The following MACROD2 variants were observed in gnomAD, a reference collection of about 807,000 sequenced individuals.
MACROD2 encodes ADP-ribose glycohydrolase MACROD2.
In MACROD2, 36 loss-of-function variants were observed where a neutral mutation model predicts 70.4. That is an observed-to-expected ratio of 0.51 (90% CI 0.39 to 0.68). MACROD2 has a LOEUF of 0.68. Among genes scored for constraint, MACROD2 ranks in the 30% least tolerant of loss-of-function variants. MACROD2 has a pLI of 0.00. For synonymous variants in MACROD2, 172 were observed against 178.8 expected (o/e 0.96, Z 0.30); for missense variants, 496 against 538.4 (o/e 0.92, Z 0.78).
chr20:15,980,236 G>A lies in MACROD2; in HGVS notation c.986-6491G>A, dbSNP rs564426964. ...GCCAGGCAGGCCCAGGCCTGGTTTC[G>A]GGCCTGGTGCAGGGCTGCCTGTCTT... On this transcript the variant is annotated intron_variant, in intron 13 of 17. Transcript: ENST00000684519. Among the ~76,000 whole-genome samples, 263 of 152,272 alleles carry A rather than the reference G, an allele frequency of 1.7e-3. 1 individual carries two copies. The highest frequency in any genetic ancestry group is 3.0e-3 in the Non-Finnish European group (201 of 68,020).
intron 6 of MACROD2, among the ~76,000 whole-genome samples, chr20:15,362,438 G>A (rs563812673): frequency 5.0e-4 from 44 of 87,280 alleles, no homozygotes; most frequent in African/African-American, 2.1e-3. Context: ...TTTTTTTATA[G>A]GTATACTGTA....
chr20:15,238,648 G>A (rs1015013953), intron 6 of MACROD2, among the ~76,000 whole-genome samples: 26 of 152,092 alleles, frequency 1.7e-4, no homozygotes, highest in Non-Finnish European at 3.7e-4. Flanking sequence ...TTTTGTAAGA[G>A]TGTCTGAAAC....
rs1353727037 is a variant in MACROD2 at position 15,535,224 on chromosome 20, C to A, written c.645+35377C>A. ...ACTTGCTTTTTAAGCAGTCCTCCCACCTCTGTCTCCCAAATTGCTGGGATT... is the reference window on the plus strand; with the variant it reads ...ACTTGCTTTTTAAGCAGTCCTCCCAACTCTGTCTCCCAAATTGCTGGGATT... On this transcript the variant is annotated intron_variant, in intron 8 of 17. Coordinates refer to ENST00000684519, the MANE Select transcript of MACROD2 (RefSeq NM_001351661.2). 2.6e-5 allele frequency among the ~76,000 whole-genome samples: 4 copies of A among 152,176 alleles called. No homozygotes were observed. The East Asian group carries it at 7.7e-4, about 29-fold the overall frequency.
intron 6 of MACROD2, among the ~76,000 whole-genome samples, chr20:15,274,824 C>T (rs1362689924): frequency 6.6e-6 from 1 of 152,146 alleles, no homozygotes; most frequent in Admixed American, 6.5e-5. Flanking sequence ...AAACAGAGGA[C>T]AAATTGAGAA....
At chr20:15,853,699 A>G (rs927999307) in intron 8 of MACROD2, among the ~76,000 whole-genome samples, 1 of 152,140 alleles carries the variant, frequency 6.6e-6, no homozygotes, top group Non-Finnish European at 1.5e-5. Context: ...AATGAAAAGG[A>G]GTTTAGAAGT....
intron 8 of MACROD2, among the ~76,000 whole-genome samples, chr20:15,681,348 A>C (rs1444442143): frequency 6.6e-6 from 1 of 152,214 alleles, no homozygotes; most frequent in Non-Finnish European, 1.5e-5. Context: ...ATAAATTGCT[A>C]TTCAAAAACA....
intron 6 of MACROD2, among the ~76,000 whole-genome samples, chr20:15,296,582 A>G (rs951434519): frequency 3.3e-5 from 5 of 152,198 alleles, no homozygotes; most frequent in Admixed American, 2.0e-4. Flanking sequence ...TATATTGGAA[A>G]TACTCCATAT....
chr20:15,353,022 CA>C (rs1244603017), intron 6 of MACROD2, among the ~76,000 whole-genome samples: 1 of 151,640 alleles, frequency 6.6e-6, no homozygotes, highest in Non-Finnish European at 1.5e-5. Flanking sequence ...CATATGGAAC[CA>C]AAAAAGAGCC....
At chr20:15,252,409 G>GCAGCTC (rs1489134549) in intron 6 of MACROD2, among the ~76,000 whole-genome samples, 8 of 152,148 alleles carry the variant, frequency 5.3e-5, no homozygotes, top group Non-Finnish European at 1.2e-4. Context: ...GTCCATAGAG[G>GCAGCTC]CAGCTCCAGC....
intron 8 of MACROD2, among the ~76,000 whole-genome samples, chr20:15,546,794 T>C (rs866985172): frequency 6.6e-6 from 1 of 152,170 alleles, no homozygotes; most frequent in African/African-American, 2.4e-5. Flanking sequence ...TGTCACTATT[T>C]TACCACGTGA....
chr20:15,419,544 G>T (rs1334646030), intron 6 of MACROD2, among the ~76,000 whole-genome samples: 1 of 152,184 alleles, frequency 6.6e-6, no homozygotes, highest in Admixed American at 6.5e-5. Flanking sequence ...TGTGCAAGAG[G>T]CTTCTTCTTG....
chr20:15,541,359 G>T (rs1203480206), intron 8 of MACROD2, among the ~76,000 whole-genome samples: 1 of 152,072 alleles, frequency 6.6e-6, no homozygotes, highest in Admixed American at 6.6e-5. Flanking sequence ...TTTAGATATT[G>T]CCTGGAAATT....
chr20:14,920,388 A>G (rs1184175305), intron 5 of MACROD2, among the ~76,000 whole-genome samples: 1 of 152,178 alleles, frequency 6.6e-6, no homozygotes, highest in Non-Finnish European at 1.5e-5. Flanking sequence ...GATCTTATCT[A>G]ATGTTTCCTA....
chr20:14,823,786 T>G (rs1236271382), intron 5 of MACROD2, among the ~76,000 whole-genome samples: 2 of 152,080 alleles, frequency 1.3e-5, no homozygotes, highest in Non-Finnish European at 2.9e-5. Context: ...TTTTGTTTGT[T>G]TGTTTGTTTG....
intron 4 of MACROD2, among the ~76,000 whole-genome samples, chr20:14,498,540 A>G (rs948681161): frequency 1.3e-5 from 2 of 152,210 alleles, no homozygotes; most frequent in African/African-American, 4.8e-5. Flanking sequence ...TAGAGCAATT[A>G]TAGTTGTCTA....
At chr20:14,413,510 T>C (rs977818588) in intron 3 of MACROD2, among the ~76,000 whole-genome samples, 1 of 152,094 alleles carries the variant, frequency 6.6e-6, no homozygotes, top group Admixed American at 6.6e-5. Context: ...AGTATTGACA[T>C]AAATAATTTT....
chr20:15,942,834 C>T (rs2065768719), intron 12 of MACROD2, among the ~76,000 whole-genome samples: 2 of 152,162 alleles, frequency 1.3e-5, no homozygotes, highest in South Asian at 4.1e-4. Context: ...GCTGTTTAAA[C>T]TCGTCTTAAT....
intron 11 of MACROD2, among the ~76,000 whole-genome samples, 195 bp from the exon 12 acceptor site, chr20:15,937,281 G>A (rs765140288): frequency 2.6e-5 from 4 of 152,150 alleles, no homozygotes; most frequent in Non-Finnish European, 5.9e-5. Context: ...TGACTTAACT[G>A]AAGGTTCCTG....
chr20:15,522,454 G>T (rs1037540604), intron 8 of MACROD2, among the ~76,000 whole-genome samples: 6 of 152,170 alleles, frequency 3.9e-5, no homozygotes, highest in Non-Finnish European at 8.8e-5. Context: ...GTTATTAGTT[G>T]CAATGGTGTT....
Sources: gnomAD v4.1 joint callset for allele counts (sites outside exome capture counted in the v4.1 genomes callset) on GRCh38, gnomAD v4.1.1 for gene constraint, MANE v1.5 for transcripts, NCBI Gene and HGNC (gene_info 2026-07-23, HGNC 2026-07-21) for gene names.